The following THAP5 variants were observed in gnomAD, a reference collection of about 807,000 sequenced individuals.
The protein encoded by THAP5 is THAP domain containing 5.
In THAP5, 26 loss-of-function variants were observed where a neutral mutation model predicts 34.0. That is an observed-to-expected ratio of 0.77 (90% CI 0.56 to 1.06). THAP5 has a LOEUF of 1.06. Among genes scored for constraint, THAP5 ranks in the 50% least tolerant of loss-of-function variants. The probability of loss-of-function intolerance (pLI) is 0.00; values close to 1 mark genes in which losing one functional copy is unlikely to be tolerated. For missense variants in THAP5, 394 were observed against 452.8 expected (o/e 0.87, Z 1.18); for synonymous variants, 125 against 153.0 (o/e 0.82, Z 1.35).
At position 108,566,026 on chromosome 7, in the gene THAP5, G is replaced by A. The variant is rs777721103; in HGVS notation, c.81-4C>T. 7 of 1,482,912 alleles carry A rather than the reference G, an allele frequency of 4.7e-6. No homozygotes were observed. The highest frequency in any genetic ancestry group is 5.4e-6 in the Non-Finnish European group (6 of 1,119,072). The allele number at this position is 1,482,912 out of a possible 1,614,324, so 91.9% of individuals were successfully genotyped here. On this transcript the variant is annotated splice_polypyrimidine_tract_variant and splice_region_variant and intron_variant, in intron 1 of 2. Coordinates refer to ENST00000415914, the MANE Select transcript of THAP5 (RefSeq NM_001130475.3). ...TTCTTTGTCATGTAGAGGAAATCTG[G>A]AATTTAAAAAAAAAAGAAGAAAAAA...
downstream of THAP5, among the ~76,000 whole-genome samples, chr7:108,553,667 C>G (rs1864367652): frequency 6.6e-6 from 1 of 152,166 alleles, no homozygotes; most frequent in Admixed American, 6.5e-5. Flanking sequence ...GTGCTGCTCT[C>G]AGACATAGGG....
At chr7:108,557,216 CCCCATTGT>C (rs1864392484), downstream of THAP5, among the ~76,000 whole-genome samples, 1 of 152,230 alleles carries the variant, frequency 6.6e-6, no homozygotes, top group Non-Finnish European at 1.5e-5. Flanking sequence ...GAAGCCTTTT[CCCCATTGT>C]CTTGGCTATT....
chr7:108,542,548 C>T, the THAP5 span, among the ~76,000 whole-genome samples: 1 of 152,068 alleles, frequency 6.6e-6, no homozygotes, highest in Non-Finnish European at 1.5e-5. Flanking sequence ...CTGTAACCTC[C>T]ACCTCCTGGG....
intron 1 of THAP5, among the ~76,000 whole-genome samples, chr7:108,555,221 A>G (rs543958132): frequency 4.3e-4 from 65 of 151,664 alleles, no homozygotes; most frequent in Non-Finnish European, 8.4e-4. Flanking sequence ...GGGGAGTGCA[A>G]TGGTGCAATC....
intron 1 of THAP5, among the ~76,000 whole-genome samples, chr7:108,567,213 TATTAA>T (rs1407777604): frequency 6.6e-6 from 1 of 152,136 alleles, no homozygotes; most frequent in Non-Finnish European, 1.5e-5. Context: ...ACAGAAGCAA[TATTAA>T]TCATGTTTTA....
At chr7:108,552,600 G>A (rs1182467414), downstream of THAP5, among the ~76,000 whole-genome samples, 1 of 152,200 alleles carries the variant, frequency 6.6e-6, no homozygotes, top group East Asian at 1.9e-4. Context: ...AGGAGTTCGA[G>A]ACCAGCCTGG....
At chr7:108,543,972 A>G in the THAP5 span, among the ~76,000 whole-genome samples, 6 of 152,324 alleles carry the variant, frequency 3.9e-5, no homozygotes, top group South Asian at 1.2e-3. Context: ...AAAAAAAATT[A>G]TGAACGACTA....
At position 108,564,862 on chromosome 7, in the gene THAP5, T is replaced by C; in HGVS notation, c.517A>G (p.Thr173Ala). Reference sequence around the variant, plus strand: ...TCCAAGGTAGATTCTGGTTTCCCAGTATGTTGTTTAACTAGATTAAGAGTT... The same window carrying C: ...TCCAAGGTAGATTCTGGTTTCCCAGCATGTTGTTTAACTAGATTAAGAGTT... Reference protein sequence around the residue: ...MLTLNLVKQHTGKPESTLETS... With the variant: ...MLTLNLVKQHAGKPESTLETS... Residue 173 changes from threonine (T) to alanine (A), a missense_variant, in exon 3 of 3, where the codon ACT (threonine) becomes GCT (alanine). By Grantham distance (58) the Thr-to-Ala change is moderately conservative. Transcript: ENST00000415914. The C allele has an allele frequency of 6.2e-7, 1 of 1,610,228 alleles. No homozygotes were observed. The highest frequency in any genetic ancestry group is 8.5e-7 in the Non-Finnish European group (1 of 1,177,660).
downstream of THAP5, among the ~76,000 whole-genome samples, chr7:108,560,973 A>G (rs1252430813): frequency 6.6e-6 from 1 of 152,000 alleles, no homozygotes; most frequent in Admixed American, 6.6e-5. Context: ...GCCTCAGGTG[A>G]TCCTCCTGCT....
At chr7:108,544,361 T>A in the THAP5 span, among the ~76,000 whole-genome samples, 1 of 151,652 alleles carries the variant, frequency 6.6e-6, no homozygotes, top group Non-Finnish European at 1.5e-5. Flanking sequence ...TGAAACCCCA[T>A]CTCTACTAAA....
At chr7:108,552,724 C>T (rs772344831), downstream of THAP5, among the ~76,000 whole-genome samples, 11 of 152,032 alleles carry the variant, frequency 7.2e-5, no homozygotes, top group East Asian at 1.9e-4. Context: ...TGCTTGAACC[C>T]GGGAGGCAGA....
Position 108,564,904 on chromosome 7 carries a change from T to C in THAP5, c.475A>G (p.Ile159Val), listed in dbSNP as rs766510053. The C allele has an allele frequency of 4.4e-6, 7 of 1,587,826 alleles. No individual in the cohort carries two copies. The highest frequency in any genetic ancestry group is 6.0e-6 in the Non-Finnish European group (7 of 1,163,574). ...VKPPAPKTGS[I>V]QNNMLTLNLV... is the part of the protein sequence containing the mutation. ...TTAAGAGTTAACATGTTATTTTGTATACTTCCTGTTTTGGGAGCTGGTGGC... is the reference window on the plus strand; with the variant it reads ...TTAAGAGTTAACATGTTATTTTGTACACTTCCTGTTTTGGGAGCTGGTGGC... Residue 159 changes from isoleucine to valine, a missense_variant, in exon 3 of 3, where the codon ATA (isoleucine) becomes GTA (valine). By Grantham distance (29) the Ile-to-Val change is conservative. Coordinates refer to ENST00000415914, the MANE Select transcript of THAP5 (RefSeq NM_001130475.3).
At chr7:108,547,750 C>T in the THAP5 span, among the ~76,000 whole-genome samples, 98 of 152,194 alleles carry the variant, frequency 6.4e-4, 4 homozygotes, top group South Asian at 0.02. Flanking sequence ...CATAGTTGAG[C>T]TGTTGTTTGT....
rs1025423577 is a variant in THAP5, at chr7:108,569,312, G to A, written c.80+178C>T. 133 of 1,449,482 alleles carry A rather than the reference G, an allele frequency of 9.2e-5. 1 individual carries two copies. The highest frequency in any genetic ancestry group is 5.3e-4 in the Admixed American group (20 of 37,836). The allele number at this position is 1,449,482 out of a possible 1,614,324, so 89.8% of individuals were successfully genotyped here. A position where few individuals can be genotyped will look rare whatever the true frequency, so the allele number is the denominator to read the frequency against. ...CCACCAGCCAGCAGTCCTCGCGCAAGAAGGGCATTGCTAGCTAAACTGAAC... is the reference window on the plus strand; with the variant it reads ...CCACCAGCCAGCAGTCCTCGCGCAAAAAGGGCATTGCTAGCTAAACTGAAC... On this transcript the variant is annotated intron_variant, in intron 1 of 2. Coordinates refer to ENST00000415914, the MANE Select transcript of THAP5 (RefSeq NM_001130475.3).
chr7:108,558,377 G>GTGTGTATATATATAAATA (rs1401164750), downstream of THAP5, among the ~76,000 whole-genome samples: 1 of 63,042 alleles, frequency 1.6e-5, no homozygotes, highest in East Asian at 3.0e-4. Context: ...ATGTGTGTGT[G>GTGTGTATATATATAAATA]TATGTATATA....
chr7:108,564,058 G>C lies in THAP5; in HGVS notation c.*133C>G, dbSNP rs567703186. The C allele has an allele frequency of 1.0e-4, 72 of 707,582 alleles. No homozygotes were observed. Among genetic ancestry groups the C allele is most frequent in the Non-Finnish European group, 1.5e-4 (66 of 445,478 alleles). 43.8% of individuals were successfully genotyped at this position (707,582 alleles called of 1,614,324 possible). On this transcript the variant is annotated 3_prime_UTR_variant, in exon 3 of 3. Coordinates refer to ENST00000415914, the MANE Select transcript of THAP5 (RefSeq NM_001130475.3). ...ATAAGTATTACAAGAATAGGATACA[G>C]TTCATAACTTTACAACACTCTCATA...
Position 108,564,420 on chromosome 7 carries a change from A to C in THAP5, c.959T>G (p.Ile320Ser). ...DVDYGTEVLQ[I>S]EHSYCRQDIN... ...ATCTTGTCTGCAGTAAGAATGTTCG[A>C]TTTGTAAAACTTCTGTCCCATAGTC... is the stretch of plus-strand genomic sequence containing the variant. The change falls in exon 3 of 3, where the codon ATC becomes AGC. Residue 320 changes from isoleucine (I) to serine (S), a missense_variant. Transcript: ENST00000415914. 1.9e-6 allele frequency: 3 copies of C among 1,613,924 alleles called. No homozygotes were observed. Among genetic ancestry groups the C allele is most frequent in the Non-Finnish European group, 1.7e-6 (2 of 1,179,918 alleles).
downstream of THAP5, among the ~76,000 whole-genome samples, chr7:108,550,084 C>T (rs965931198): frequency 6.6e-6 from 1 of 152,084 alleles, no homozygotes; most frequent in African/African-American, 2.4e-5. Context: ...GGCCTTATTT[C>T]CCTAGAATAC....
chr7:108,568,124 C>T (rs1790525203), intron 1 of THAP5, among the ~76,000 whole-genome samples: 1 of 152,244 alleles, frequency 6.6e-6, no homozygotes, highest in Non-Finnish European at 1.5e-5. Flanking sequence ...CTCCCCCAAA[C>T]ATCTCTTTGC....
Sources: gnomAD v4.1 joint callset for allele counts (sites outside exome capture counted in the v4.1 genomes callset) on GRCh38, gnomAD v4.1.1 for gene constraint, MANE v1.5 for transcripts, NCBI Gene and HGNC (gene_info 2026-07-23, HGNC 2026-07-21) for gene names.